Variants in TRABD2B observed in about 807,000 individuals in gnomAD.
TRABD2B encodes the protein TraB domain containing 2B.
TRABD2B carries 14 observed loss-of-function variants against 40.1 expected under a neutral mutation model. The ratio of observed to expected loss-of-function variants is 0.35; its 90% CI spans 0.23 to 0.55. The LOEUF (loss-of-function observed/expected upper bound fraction) is 0.55. TRABD2B is among the 20% of genes least tolerant of loss of function. The pLI, the probability that TRABD2B is intolerant of heterozygous loss-of-function variation, is 0.90. For missense variants in TRABD2B, 541 were observed against 648.6 expected (o/e 0.83, Z 1.80); for synonymous variants, 263 against 277.0 (o/e 0.95, Z 0.50).
intron 2 of TRABD2B, among the ~76,000 whole-genome samples, chr1:47,888,254 A>T (rs1644397046): frequency 6.6e-6 from 1 of 152,190 alleles, no homozygotes; most frequent in Non-Finnish European, 1.5e-5. Flanking sequence ...GGGGCAAAGG[A>T]GTGTTAAAAC....
chr1:47,868,369 G>C (rs768955558), intron 2 of TRABD2B, among the ~76,000 whole-genome samples: 2 of 152,216 alleles, frequency 1.3e-5, no homozygotes, highest in Non-Finnish European at 2.9e-5. Context: ...ACAGAAGGAA[G>C]AGAGAATGAG....
intron 2 of TRABD2B, among the ~76,000 whole-genome samples, chr1:47,802,023 G>T (rs1235440527): frequency 1.3e-5 from 2 of 152,206 alleles, no homozygotes; most frequent in Non-Finnish European, 1.5e-5. Context: ...CAAAGCAACA[G>T]GACAAGAACA....
chr1:47,854,354 A>G (rs2124531858), intron 2 of TRABD2B, among the ~76,000 whole-genome samples: 1 of 152,280 alleles, frequency 6.6e-6, no homozygotes, highest in East Asian at 1.9e-4. Flanking sequence ...CTCTTCCTTC[A>G]GCTGATCTCC....
chr1:47,898,006 A>G (rs1001527824), intron 2 of TRABD2B, among the ~76,000 whole-genome samples: 2 of 152,190 alleles, frequency 1.3e-5, no homozygotes, highest in African/African-American at 4.8e-5. Flanking sequence ...CAGTATCTAC[A>G]CTGTCCCAAT....
At chr1:47,934,400 G>A (rs2148347259) in intron 2 of TRABD2B, among the ~76,000 whole-genome samples, 1 of 152,338 alleles carries the variant, frequency 6.6e-6, no homozygotes, top group African/African-American at 2.4e-5. Context: ...AGCTGGTAAG[G>A]CGCATTCTTC....
chr1:47,820,791 C>CAA (rs1231900324), intron 2 of TRABD2B, among the ~76,000 whole-genome samples: 1 of 149,448 alleles, frequency 6.7e-6, no homozygotes, highest in African/African-American at 2.5e-5. Flanking sequence ...ACCACACACA[C>CAA]ACACACACAC....
rs911240003 is a variant in TRABD2B, at chr1:47,801,624, G to A, written c.667-5C>T. 1.3e-6 allele frequency: 2 copies of A among 1,535,402 alleles called. No individual in the cohort carries two copies. Among genetic ancestry groups the A allele is most frequent in the Non-Finnish European group, 1.7e-6 (2 of 1,146,392 alleles). On this transcript the variant is annotated splice_polypyrimidine_tract_variant and splice_region_variant and intron_variant, in intron 2 of 6. Transcript: ENST00000606738. ...TTGGTTCAGGGCAAACAGCACCTGG[G>A]CCGAGGAAAGAGAGAGGAATGAGGG...
chr1:47,907,034 C>G (rs11211628), intron 2 of TRABD2B, among the ~76,000 whole-genome samples: 22,527 of 152,172 alleles, frequency 0.15, 1,924 homozygotes, highest in East Asian at 0.35. Flanking sequence ...ACAGGCAGCC[C>G]GTGCGAGCAC....
intron 2 of TRABD2B, among the ~76,000 whole-genome samples, chr1:47,993,235 G>A (rs1570432466): frequency 6.6e-6 from 1 of 152,254 alleles, no homozygotes; most frequent in East Asian, 1.9e-4. Context: ...TTGTTCCCAG[G>A]GTCTCAGAGT....
At chr1:47,825,421 TAAC>T (rs929571789) in intron 2 of TRABD2B, among the ~76,000 whole-genome samples, 1 of 152,182 alleles carries the variant, frequency 6.6e-6, no homozygotes, top group Non-Finnish European at 1.5e-5. Flanking sequence ...AAAAGCCAAA[TAAC>T]AACTCATGAG....
intron 2 of TRABD2B, among the ~76,000 whole-genome samples, chr1:47,833,952 T>A (rs1006432659): frequency 2.0e-5 from 3 of 152,250 alleles, no homozygotes; most frequent in Non-Finnish European, 4.4e-5. Context: ...GTAAAAACAG[T>A]AAGCTTTGTG....
intron 2 of TRABD2B, among the ~76,000 whole-genome samples, chr1:47,895,287 G>C (rs1447901473): frequency 6.6e-6 from 1 of 152,126 alleles, no homozygotes; most frequent in African/African-American, 2.4e-5. Context: ...CCCAACACCC[G>C]CTTCTCACTG....
chr1:47,774,076 C>G (rs1052770279), intron 6 of TRABD2B, among the ~76,000 whole-genome samples: 1 of 152,140 alleles, frequency 6.6e-6, no homozygotes, highest in Non-Finnish European at 1.5e-5. Context: ...GTCAGGGCTT[C>G]CCACAGCTGC....
chr1:47,823,517 G>A (rs1645137540), intron 2 of TRABD2B, among the ~76,000 whole-genome samples: 1 of 152,232 alleles, frequency 6.6e-6, no homozygotes, highest in Non-Finnish European at 1.5e-5. Context: ...TTAGGGCCTG[G>A]GGCTTTGGGG....
intron 2 of TRABD2B, among the ~76,000 whole-genome samples, chr1:47,937,239 AC>A (rs976274250): frequency 6.6e-6 from 1 of 151,644 alleles, no homozygotes; most frequent in African/African-American, 2.4e-5. Flanking sequence ...CACCACCACC[AC>A]CATGATCATC....
intron 2 of TRABD2B, among the ~76,000 whole-genome samples, chr1:47,893,311 T>C (rs533427820): frequency 6.6e-6 from 1 of 152,132 alleles, no homozygotes; most frequent in African/African-American, 2.4e-5. Context: ...TGGTGTTCTA[T>C]GGGACAGAGT....
At chr1:47,957,565 A>G (rs924022722) in intron 2 of TRABD2B, among the ~76,000 whole-genome samples, 8 of 152,240 alleles carry the variant, frequency 5.3e-5, no homozygotes, top group Admixed American at 4.6e-4. Context: ...TTCATGACGC[A>G]TGCACAAGCT....
chr1:47,766,495 C>T (rs1644305124), intron 6 of TRABD2B, among the ~76,000 whole-genome samples: 1 of 152,190 alleles, frequency 6.6e-6, no homozygotes, highest in Admixed American at 6.5e-5. Flanking sequence ...GGCTGCTCTC[C>T]CCTTGCAGAC....
intron 2 of TRABD2B, among the ~76,000 whole-genome samples, chr1:47,938,373 T>C (rs1479673581): frequency 1.3e-5 from 2 of 152,188 alleles, no homozygotes; most frequent in Non-Finnish European, 1.5e-5. Context: ...AGTATGGCCA[T>C]CTACAAACCT....
Sources: allele counts gnomAD v4.1 joint callset (sites outside exome capture counted in the v4.1 genomes callset), GRCh38; gene constraint gnomAD v4.1.1; transcripts MANE v1.5; gene names NCBI Gene and HGNC (gene_info 2026-07-23, HGNC 2026-07-21).